The following TENM3 variants were observed in gnomAD, a reference collection of about 807,000 sequenced individuals.
The protein encoded by TENM3 is teneurin-3.
A neutral mutation model predicts 255.1 loss-of-function variants in TENM3; 63 were observed. That is an observed-to-expected ratio of 0.25 (90% CI 0.20 to 0.30). TENM3 has a LOEUF of 0.30. TENM3 is among the 10% of genes least tolerant of loss of function. TENM3 has a pLI of 1.00. For synonymous variants in TENM3, 1,306 were observed against 1,322.3 expected (o/e 0.99, Z 0.27); for missense variants, 2,929 against 3,461.1 (o/e 0.85, Z 3.86).
At chr4:182,080,857 G>C in the TENM3 span, among the ~76,000 whole-genome samples, 1 of 152,112 alleles carries the variant, frequency 6.6e-6, no homozygotes, top group Non-Finnish European at 1.5e-5. Context: ...TGGGCGTAGC[G>C]ACATGCGCTT....
the TENM3 span, among the ~76,000 whole-genome samples, chr4:181,663,098 T>A: frequency 6.6e-6 from 1 of 152,192 alleles, no homozygotes; most frequent in African/African-American, 2.4e-5. Context: ...GTAAAATGAT[T>A]TAAAAATCTA....
the TENM3 span, among the ~76,000 whole-genome samples, chr4:181,758,946 C>G: frequency 6.6e-6 from 1 of 152,188 alleles, no homozygotes; most frequent in Non-Finnish European, 1.5e-5. Context: ...TCAATACCAA[C>G]TCTTTCCATT....
chr4:182,693,032 A>G (rs976043936), intron 12 of TENM3, among the ~76,000 whole-genome samples: 3 of 152,068 alleles, frequency 2.0e-5, no homozygotes, highest in Non-Finnish European at 4.4e-5. Context: ...TCTCTATGTC[A>G]TTTAACTTTT....
the TENM3 span, among the ~76,000 whole-genome samples, chr4:182,080,588 G>T: frequency 6.6e-6 from 1 of 152,118 alleles, no homozygotes; most frequent in African/African-American, 2.4e-5. Context: ...ACTTCTAAAT[G>T]TACTATCCAA....
chr4:182,413,720 G>C (rs897809417), intron 3 of TENM3, among the ~76,000 whole-genome samples: 2 of 152,156 alleles, frequency 1.3e-5, no homozygotes, highest in African/African-American at 4.8e-5. Context: ...TTTTGACATA[G>C]AGAGTAAATA....
At chr4:182,673,880 C>CA (rs1447715158) in intron 7 of TENM3, among the ~76,000 whole-genome samples, 1 of 152,190 alleles carries the variant, frequency 6.6e-6, no homozygotes, top group Non-Finnish European at 1.5e-5. Flanking sequence ...ACAGCAATCA[C>CA]AGATGGAGAA....
chr4:182,619,693 A>G (rs2152449362), intron 4 of TENM3, among the ~76,000 whole-genome samples: 1 of 152,304 alleles, frequency 6.6e-6, no homozygotes, highest in East Asian at 1.9e-4. Flanking sequence ...CCACAAAGCA[A>G]CTGTTAGTGT....
intron 24 of TENM3, among the ~76,000 whole-genome samples, chr4:182,778,509 AAG>A (rs1764877994): frequency 6.6e-6 from 1 of 152,124 alleles, no homozygotes; most frequent in East Asian, 1.9e-4. Context: ...CCAGGGACAA[AAG>A]AGAGTCTTGA....
the TENM3 span, among the ~76,000 whole-genome samples, chr4:182,109,808 T>C: frequency 3.9e-5 from 6 of 152,310 alleles, no homozygotes; most frequent in Middle Eastern, 0.014. Flanking sequence ...TAAAATTGCA[T>C]GTGTGGATGA....
chr4:182,051,049 A>G, the TENM3 span, among the ~76,000 whole-genome samples: 1 of 152,164 alleles, frequency 6.6e-6, no homozygotes, highest in East Asian at 2.0e-4. Flanking sequence ...GGCCAGAGAT[A>G]AAAGCAAATG....
chr4:182,561,097 A>G (rs1160584921), intron 3 of TENM3, among the ~76,000 whole-genome samples: 5 of 152,126 alleles, frequency 3.3e-5, no homozygotes, highest in Admixed American at 2.6e-4. Context: ...GAAAAGTGGT[A>G]GGCAAATTTA....
the TENM3 span, among the ~76,000 whole-genome samples, chr4:182,007,299 G>A: frequency 4.9e-4 from 74 of 151,716 alleles, no homozygotes; most frequent in African/African-American, 1.5e-3. Context: ...TTTTTGTCTC[G>A]CTGATCTAAT....
At chr4:181,579,561 G>C in the TENM3 span, among the ~76,000 whole-genome samples, 3 of 152,192 alleles carry the variant, frequency 2.0e-5, no homozygotes, top group Non-Finnish European at 2.9e-5. Flanking sequence ...ACTATGATGA[G>C]TTATGGGTTT....
chr4:182,306,782 A>C (rs1447145691), intron 1 of TENM3, among the ~76,000 whole-genome samples: 1 of 152,212 alleles, frequency 6.6e-6, no homozygotes, highest in Non-Finnish European at 1.5e-5. Context: ...GTATGAGAGG[A>C]GAAAGGCATT....
the TENM3 span, among the ~76,000 whole-genome samples, chr4:181,590,615 A>G: frequency 1.3e-5 from 2 of 152,212 alleles, no homozygotes; most frequent in African/African-American, 2.4e-5. Flanking sequence ...ACAGCTCCTT[A>G]TCCTTTAGGA....
intron 18 of TENM3, among the ~76,000 whole-genome samples, chr4:182,739,090 C>T (rs1303357101): frequency 6.6e-6 from 1 of 151,272 alleles, no homozygotes; most frequent in Non-Finnish European, 1.5e-5. Flanking sequence ...AAGCATTCTG[C>T]CACTCAAATG....
At chr4:181,879,418 A>G in the TENM3 span, among the ~76,000 whole-genome samples, 11 of 152,268 alleles carry the variant, frequency 7.2e-5, no homozygotes, top group African/African-American at 2.6e-4. Context: ...ACTGATTTTG[A>G]GCACTGGAAA....
the TENM3 span, among the ~76,000 whole-genome samples, chr4:181,592,151 A>T: frequency 3.9e-5 from 6 of 151,974 alleles, no homozygotes; most frequent in Non-Finnish European, 8.8e-5. Context: ...GACTGTGGTC[A>T]TGGTTGCGTG....
rs1755515262 is a variant in TENM3 at position 182,674,674 on chromosome 4, C to T, written c.1326+1455C>T. Among the ~76,000 whole-genome samples, 5 of 152,202 alleles carry T rather than the reference C, an allele frequency of 3.3e-5. No homozygotes were observed. The South Asian group carries it at 1.0e-3, about 32-fold the overall frequency. ...CACTGTAGCCTCAACCTCCTCGGCT[C>T]AGGTGATCCTTCCACCCCAGCCTCC... On this transcript the variant is annotated intron_variant, in intron 7 of 27. Coordinates refer to ENST00000511685, the MANE Select transcript of TENM3 (RefSeq NM_001080477.4).
Sources: gnomAD v4.1 joint callset for allele counts (sites outside exome capture counted in the v4.1 genomes callset) on GRCh38, gnomAD v4.1.1 for gene constraint, MANE v1.5 for transcripts, NCBI Gene and HGNC (gene_info 2026-07-23, HGNC 2026-07-21) for gene names.